Variants in TMEM116 observed in about 807,000 individuals in gnomAD.
TMEM116 encodes transmembrane protein 116.
A neutral mutation model predicts 44.3 loss-of-function variants in TMEM116; 38 were observed. The ratio of observed to expected loss-of-function variants is 0.86; its 90% CI spans 0.66 to 1.12. The LOEUF is 1.12. Among genes scored for constraint, TMEM116 ranks in the 50% most tolerant of loss-of-function variants. The pLI is 0.00. For missense variants in TMEM116, 354 were observed against 401.7 expected (o/e 0.88, Z 1.01); for synonymous variants, 132 against 144.8 (o/e 0.91, Z 0.64).
At chr12:111,997,404 T>TA (rs1204011885) in intron 3 of TMEM116, among the ~76,000 whole-genome samples, 4 of 151,616 alleles carry the variant, frequency 2.6e-5, no homozygotes, top group South Asian at 2.1e-4. Context: ...AATTAAAAAT[T>TA]AAAAAAAATA....
chr12:112,011,816 A>T (rs935023244), intron 1 of TMEM116: 2 of 152,258 alleles, frequency 1.3e-5, no homozygotes, highest in African/African-American at 4.8e-5. Flanking sequence ...CTGCTGCCTC[A>T]GCCTCCCAAG....
chr12:111,975,508 A>G (rs1272335590), intron 4 of TMEM116, among the ~76,000 whole-genome samples: 8 of 152,236 alleles, frequency 5.3e-5, no homozygotes, highest in African/African-American at 1.9e-4. Flanking sequence ...TAGAAGAGCC[A>G]AATCAACTCT....
chr12:111,967,526 A>T (rs2075050009), intron 4 of TMEM116, among the ~76,000 whole-genome samples: 1 of 152,030 alleles, frequency 6.6e-6, no homozygotes, highest in African/African-American at 2.4e-5. Flanking sequence ...ATTATAAGTT[A>T]TTTAAATAAT....
intron 4 of TMEM116, among the ~76,000 whole-genome samples, chr12:111,983,224 T>TC (rs1431937907): frequency 2.0e-5 from 3 of 150,758 alleles, no homozygotes; most frequent in Non-Finnish European, 4.4e-5. Context: ...TCACCTGGGG[T>TC]CAGGAGTCTG....
Position 111,995,867 on chromosome 12 carries a change from C to G in TMEM116, c.79-3978G>C, listed in dbSNP as rs534557711. 3.9e-4 allele frequency among the ~76,000 whole-genome samples: 59 copies of G among 151,250 alleles called. 1 individual carries two copies. Among genetic ancestry groups the G allele is most frequent in the Non-Finnish European group, 7.4e-4 (50 of 67,790 alleles). On this transcript the variant is annotated intron_variant, in intron 3 of 10. Coordinates refer to ENST00000552374, the MANE Select transcript of TMEM116 (RefSeq NM_001193531.2). ...GAAACATGGTGAGACTCCATCTCTACAAATAAAATAAAAAATAAAAAAATT... is the reference window on the plus strand; with the variant it reads ...GAAACATGGTGAGACTCCATCTCTAGAAATAAAATAAAAAATAAAAAAATT...
chr12:111,942,025 G>A (rs528707608), intron 5 of TMEM116, among the ~76,000 whole-genome samples: 1 of 151,908 alleles, frequency 6.6e-6, no homozygotes, highest in Admixed American at 6.6e-5. Flanking sequence ...CGCAACCTCT[G>A]CCTCCTGGGT....
chr12:111,932,495 G>A (rs751396805), intron 10 of TMEM116, 91 bp downstream of exon 10: 179 of 1,079,652 alleles, frequency 1.7e-4, no homozygotes, highest in Non-Finnish European at 2.4e-4. Context: ...AGTACCCGGA[G>A]GGAAAAAATC....
intron 9 of TMEM116, 54 bp downstream of exon 9, chr12:111,933,832 C>G: frequency 1.2e-6 from 2 of 1,603,264 alleles, no homozygotes; most frequent in South Asian, 2.2e-5. Context: ...TTTGCTTGAT[C>G]AGAACCTAAT....
intron 5 of TMEM116, among the ~76,000 whole-genome samples, chr12:111,942,795 GGT>G (rs1565878630): frequency 6.8e-6 from 1 of 147,014 alleles, no homozygotes; most frequent in Non-Finnish European, 1.5e-5. Context: ...TGTGTGTGTG[GGT>G]GTGTGTATGT....
In TMEM116 at chr12:111,931,574, A is replaced by G; in HGVS notation, c.*47T>C. 6.4e-7 allele frequency: 1 copy of G among 1,555,606 alleles called. No individual in the cohort carries two copies. The highest frequency in any genetic ancestry group is 8.9e-7 in the Non-Finnish European group (1 of 1,127,634). On this transcript the variant is annotated 3_prime_UTR_variant, in exon 11 of 11. Transcript: ENST00000552374. ...CCTTTCCCAACATTCTTTCCAATCC[A>G]TTAGCGTAGAATAACTCCAGTTCCT...
intron 3 of TMEM116, among the ~76,000 whole-genome samples, chr12:111,996,844 G>C (rs1365908212): frequency 6.6e-6 from 1 of 152,134 alleles, no homozygotes; most frequent in Non-Finnish European, 1.5e-5. Flanking sequence ...AGACATCAAT[G>C]AAAATGAAAT....
intron 4 of TMEM116, among the ~76,000 whole-genome samples, chr12:111,958,425 A>G (rs1026057306): frequency 1.3e-5 from 2 of 152,138 alleles, no homozygotes; most frequent in Admixed American, 6.6e-5. Flanking sequence ...TCCAAAAACC[A>G]AAACACCTCT....
intron 6 of TMEM116, 81 bp downstream of exon 6, chr12:111,938,080 G>C (rs969018269): frequency 3.8e-5 from 32 of 850,370 alleles, no homozygotes; most frequent in Non-Finnish European, 5.5e-5. Context: ...GGAAATAAAG[G>C]GCACTGTCCT....
chr12:111,940,216 T>C (rs755622370), intron 5 of TMEM116, among the ~76,000 whole-genome samples: 123 of 151,772 alleles, frequency 8.1e-4, no homozygotes, highest in Non-Finnish European at 1.4e-3. Context: ...GAGGTTGCAG[T>C]GAGTCAAGAT....
chr12:111,974,146 A>G (rs1476215053), intron 4 of TMEM116, among the ~76,000 whole-genome samples: 3 of 147,800 alleles, frequency 2.0e-5, no homozygotes, highest in Non-Finnish European at 3.0e-5. Context: ...AAAAACAGAG[A>G]AAAAAAAAAA....
At chr12:111,992,436 A>AT (rs1224697118) in intron 3 of TMEM116, among the ~76,000 whole-genome samples, 1 of 151,882 alleles carries the variant, frequency 6.6e-6, no homozygotes, top group Non-Finnish European at 1.5e-5. Flanking sequence ...CGCCTGGCTA[A>AT]TTTTTTGTAT....
chr12:111,931,349 A>G lies in TMEM116; in HGVS notation c.*272T>C. 2.3e-6 allele frequency: 1 copy of G among 443,442 alleles called. No individual in the cohort carries two copies. The highest frequency in any genetic ancestry group is 2.7e-5 in the South Asian group (1 of 36,868). 27.5% of individuals were successfully genotyped at this position (443,442 alleles called of 1,614,324 possible). ...TCTAGAAGAGACTTAGACAAATCCAATATCCATCAAGGTAACACGAGTCTA... is the reference window on the plus strand; with the variant it reads ...TCTAGAAGAGACTTAGACAAATCCAGTATCCATCAAGGTAACACGAGTCTA... On this transcript the variant is annotated 3_prime_UTR_variant, in exon 11 of 11. Transcript: ENST00000552374.
At chr12:111,990,340 T>C (rs921671258) in intron 4 of TMEM116, among the ~76,000 whole-genome samples, 1 of 151,844 alleles carries the variant, frequency 6.6e-6, no homozygotes, top group Non-Finnish European at 1.5e-5. Context: ...GATTAGGAGA[T>C]TGAAGTTCAG....
chr12:112,010,268 C>T (rs193173273), intron 1 of TMEM116, among the ~76,000 whole-genome samples: 222 of 152,272 alleles, frequency 1.5e-3, no homozygotes, highest in African/African-American at 5.2e-3. Flanking sequence ...CATAGTTTTC[C>T]CTTCTTCTAA....
Sources: allele counts gnomAD v4.1 joint callset (sites outside exome capture counted in the v4.1 genomes callset), GRCh38; gene constraint gnomAD v4.1.1; transcripts MANE v1.5; gene names NCBI Gene and HGNC (gene_info 2026-07-23, HGNC 2026-07-21).